The following SH3BGR variants were observed in gnomAD, a reference collection of about 807,000 sequenced individuals.
The protein encoded by SH3BGR is SH3 domain binding glutamate rich protein, also known as SH3 domain-binding glutamic acid-rich protein.
SH3BGR carries 29 observed loss-of-function variants against 24.5 expected under a neutral mutation model. The observed-to-expected ratio is 1.18, with a 90% CI of 0.88 to 1.61. SH3BGR has a LOEUF of 1.61. Among genes scored for constraint, SH3BGR ranks in the 40% most tolerant of loss-of-function variants. The probability of loss-of-function intolerance (pLI) is 0.00; values close to 1 mark genes in which losing one functional copy is unlikely to be tolerated. For missense variants in SH3BGR, 162 were observed against 205.8 expected (o/e 0.79, Z 1.30); for synonymous variants, 55 against 65.7 (o/e 0.84, Z 0.79).
chr21:39,475,477 A>G (rs2078012850), intron 3 of SH3BGR, among the ~76,000 whole-genome samples: 1 of 152,338 alleles, frequency 6.6e-6, no homozygotes, highest in South Asian at 2.1e-4. Flanking sequence ...AAATATCATT[A>G]CTTTGAATAA....
At chr21:39,508,651 A>G (rs2078623907) in intron 4 of SH3BGR, among the ~76,000 whole-genome samples, 2 of 152,238 alleles carry the variant, frequency 1.3e-5, no homozygotes, top group East Asian at 1.9e-4. Flanking sequence ...CATTGCTTGC[A>G]TATGGTCTGA....
intron 3 of SH3BGR, among the ~76,000 whole-genome samples, chr21:39,493,743 A>G (rs1404733153): frequency 6.6e-6 from 1 of 152,190 alleles, no homozygotes; most frequent in Non-Finnish European, 1.5e-5. Flanking sequence ...CTACCCATTC[A>G]TGAGCATGGG....
intron 3 of SH3BGR, among the ~76,000 whole-genome samples, chr21:39,496,709 AG>A (rs937546032): frequency 2.4e-4 from 36 of 152,270 alleles, no homozygotes; most frequent in African/African-American, 8.4e-4. Context: ...AAGAAGGAAA[AG>A]TATCCCATTC....
chr21:39,446,855 G>C (rs2077483446), intron 1 of SH3BGR, among the ~76,000 whole-genome samples: 1 of 151,900 alleles, frequency 6.6e-6, no homozygotes, highest in South Asian at 2.1e-4. Flanking sequence ...AGTGTATTTT[G>C]GTATTTGTGT....
Position 39,452,094 on chromosome 21 carries a change from GA to G in SH3BGR, c.1del. ...GGGGGGAGTCCTCTTTCCAACTGTCGAAATGGTTATCAAAGTGTTTGTTGCT... is the reference window on the plus strand; with the variant it reads ...GGGGGGAGTCCTCTTTCCAACTGTCGAATGGTTATCAAAGTGTTTGTTGCT... On this transcript the variant is annotated 5_prime_UTR_variant, in exon 1 of 7. Transcript: ENST00000333634. 1 of 1,614,114 alleles carries G rather than the reference GA, an allele frequency of 6.2e-7. No homozygotes were observed. Among genetic ancestry groups the G allele is most frequent in the African/African-American group, 1.3e-5 (1 of 75,032 alleles).
In SH3BGR at chr21:39,452,125, C is replaced by T; in HGVS notation, c.29C>T (p.Ser10Phe). The T allele has an allele frequency of 6.2e-7, 1 of 1,614,154 alleles. No homozygotes were observed. The highest frequency in any genetic ancestry group is 8.5e-7 in the Non-Finnish European group (1 of 1,180,008). MVIKVFVAT[S>F]SGSIAIRKKQ... ...GTTATCAAAGTGTTTGTTGCTACAT[C>T]TTCTGGGTCCATAGCGGTAGGTGTC... Residue 10 changes from serine to phenylalanine, a missense_variant, in exon 1 of 7, where the codon TCT becomes TTT. Ser to Phe is a radical substitution (Grantham distance 155). Coordinates refer to ENST00000333634, the MANE Select transcript of SH3BGR (RefSeq NM_007341.3).
chr21:39,461,880 G>T (rs983016349), intron 1 of SH3BGR, among the ~76,000 whole-genome samples: 4 of 151,900 alleles, frequency 2.6e-5, no homozygotes, highest in African/African-American at 9.7e-5. Context: ...ATGGAATCTT[G>T]CTCTGTCACC....
At chr21:39,464,375 A>G (rs1036221879) in intron 2 of SH3BGR, among the ~76,000 whole-genome samples, 1 of 152,138 alleles carries the variant, frequency 6.6e-6, no homozygotes, top group Non-Finnish European at 1.5e-5. Context: ...GGCGTGTGCC[A>G]CTACGCCTGG....
rs141537828 is a variant in SH3BGR, at chr21:39,515,157, T to A, written c.*104T>A. 1 of 469,590 alleles carries A rather than the reference T, an allele frequency of 2.1e-6. No individual in the cohort carries two copies. The highest frequency in any genetic ancestry group is 2.0e-5 in the African/African-American group (1 of 50,204). 29.1% of individuals were successfully genotyped at this position (469,590 alleles called of 1,614,324 possible). ...CCAAACTCAACAGAATACTTTGGCT[T>A]GAAGCCGGCACACCCAGGGTTACTG... On this transcript the variant is annotated 3_prime_UTR_variant, in exon 7 of 7. Coordinates refer to ENST00000333634, the MANE Select transcript of SH3BGR (RefSeq NM_007341.3).
At chr21:39,510,422 CTG>C (rs2078663428) in intron 5 of SH3BGR, among the ~76,000 whole-genome samples, 3 of 107,520 alleles carry the variant, frequency 2.8e-5, no homozygotes, top group African/African-American at 1.1e-4. Flanking sequence ...CACACACACA[CTG>C]TAGCTACACA....
chr21:39,505,729 C>A lies in SH3BGR; in HGVS notation c.406-3269C>A, dbSNP rs182578393. Among the ~76,000 whole-genome samples the A allele has an allele frequency of 5.3e-5, 8 of 152,194 alleles. No individual in the cohort carries two copies. In the East Asian group the frequency reaches 1.4e-3, roughly 26 times the overall value. The stretch of plus-strand genomic sequence containing the variant: ...GCAGTGAGCTGAGATTGCGCCATTG[C>A]ACTCCAGTCTGGGCAACGAGAGCAA... On this transcript the variant is annotated intron_variant, in intron 4 of 6. Transcript: ENST00000333634.
chr21:39,477,406 G>A (rs2123398080), intron 3 of SH3BGR, among the ~76,000 whole-genome samples: 1 of 152,272 alleles, frequency 6.6e-6, no homozygotes, highest in East Asian at 1.9e-4. Context: ...AAGTAGCCAG[G>A]ACTACAGGTG....
At chr21:39,508,072 C>T (rs1292544028) in intron 4 of SH3BGR, among the ~76,000 whole-genome samples, 3 of 152,162 alleles carry the variant, frequency 2.0e-5, no homozygotes, top group Admixed American at 2.0e-4. Flanking sequence ...AAATGACTTC[C>T]CTCTGTGGCC....
At chr21:39,474,273 A>G (rs530065863) in intron 2 of SH3BGR, among the ~76,000 whole-genome samples, 90 of 152,234 alleles carry the variant, frequency 5.9e-4, no homozygotes, top group Non-Finnish European at 1.1e-3. Flanking sequence ...GCTGGTTTTA[A>G]GCTTTTTGAA....
upstream of SH3BGR, among the ~76,000 whole-genome samples, chr21:39,451,354 G>A (rs908399768): frequency 1.3e-5 from 2 of 152,114 alleles, no homozygotes; most frequent in African/African-American, 4.8e-5. Flanking sequence ...AGAAGCCAGC[G>A]GCTATTTCCC....
At chr21:39,502,040 G>A (rs561358071) in intron 4 of SH3BGR, among the ~76,000 whole-genome samples, 1 of 152,366 alleles carries the variant, frequency 6.6e-6, no homozygotes, top group Non-Finnish European at 1.5e-5. Flanking sequence ...GGCTGTGATG[G>A]CGCACGCCTG....
intron 2 of SH3BGR, among the ~76,000 whole-genome samples, chr21:39,467,111 T>A (rs1281412821): frequency 1.3e-5 from 2 of 152,194 alleles, no homozygotes; most frequent in East Asian, 3.9e-4. Flanking sequence ...AATCATCCTT[T>A]TAAATTTAAG....
At chr21:39,509,109 A>C (rs1292827821) in intron 5 of SH3BGR, 82 bp downstream of exon 5, 2 of 1,147,526 alleles carry the variant, frequency 1.7e-6, no homozygotes, top group African/African-American at 1.6e-5. Flanking sequence ...AGCTTGAGGC[A>C]CGTTCTTAAT....
intron 3 of SH3BGR, among the ~76,000 whole-genome samples, chr21:39,479,001 C>T (rs1470764770): frequency 6.6e-6 from 1 of 152,110 alleles, no homozygotes; most frequent in African/African-American, 2.4e-5. Context: ...TCTCTGTTTG[C>T]TTTGCTTTCC....
Sources: gnomAD v4.1 joint callset for allele counts (sites outside exome capture counted in the v4.1 genomes callset) on GRCh38, gnomAD v4.1.1 for gene constraint, MANE v1.5 for transcripts, NCBI Gene and HGNC (gene_info 2026-07-23, HGNC 2026-07-21) for gene names.